TENT2: variants seen among roughly 807,000 people sequenced by gnomAD.
The protein encoded by TENT2 is terminal nucleotidyltransferase 2, also known as poly(A) RNA polymerase GLD2.
Under a neutral mutation model 72.2 loss-of-function variants are expected in TENT2, and 44 were observed. The observed-to-expected ratio is 0.61, with a 90% CI of 0.48 to 0.78. The LOEUF (loss-of-function observed/expected upper bound fraction) is 0.78. Ranked by LOEUF, TENT2 falls within the 30% of genes least tolerant of loss-of-function variation. The pLI is 0.00. For missense variants in TENT2, 541 were observed against 569.6 expected (o/e 0.95, Z 0.51); for synonymous variants, 212 against 192.5 (o/e 1.10, Z -0.84).
intron 4 of TENT2, among the ~76,000 whole-genome samples, chr5:79,624,137 A>C (rs1249606300): frequency 1.3e-5 from 2 of 152,224 alleles, no homozygotes; most frequent in Non-Finnish European, 2.9e-5. Flanking sequence ...AGGGGTTTAT[A>C]ATGTAAATAT....
chr5:79,619,502 A>C (rs1580170272), intron 1 of TENT2, 110 bp from the exon 2 acceptor site: 1 of 781,128 alleles, frequency 1.3e-6, no homozygotes. Context: ...TTTGCAAATA[A>C]AATTTGTAAC....
Position 79,687,990 on chromosome 5 carries a change from TAAGAG to T in TENT2, c.*2720_*2724del, listed in dbSNP as rs2151064008. On this transcript the variant is annotated 3_prime_UTR_variant, in exon 15 of 15. Transcript: ENST00000453514. Reference sequence around the variant, plus strand: ...ACTGATGGTGAAGTCTAGCTGGTGTTAAGAGAATAAATATTGCTGATGCTAAACCT... The same window carrying T: ...ACTGATGGTGAAGTCTAGCTGGTGTTAATAAATATTGCTGATGCTAAACCT... Among the ~76,000 whole-genome samples the T allele has an allele frequency of 7.2e-6, 1 of 138,852 alleles. No homozygotes were observed. The highest frequency in any genetic ancestry group is 1.5e-5 in the Non-Finnish European group (1 of 66,526). 91.1% of individuals were successfully genotyped at this position (138,852 alleles called of 152,430 possible). A position where few individuals can be genotyped will look rare whatever the true frequency, so the allele number is the denominator to read the frequency against.
chr5:79,666,689 C>A (rs911988127), intron 11 of TENT2, among the ~76,000 whole-genome samples: 24 of 152,006 alleles, frequency 1.6e-4, no homozygotes, highest in Non-Finnish European at 2.9e-4. Context: ...ACCTAAATTT[C>A]TTTCTGTTTG....
In TENT2 at chr5:79,681,150, A is replaced by ATTTTTTTTTT. The variant is rs1158559796; in HGVS notation, c.1301-813_1301-804dup. Among the ~76,000 whole-genome samples the ATTTTTTTTTT allele has an allele frequency of 4.5e-4, 20 of 44,756 alleles. 2 individuals carry two copies. Among genetic ancestry groups the ATTTTTTTTTT allele is most frequent in the East Asian group, 7.5e-4 (1 of 1,326 alleles). The allele number at this position is 44,756 out of a possible 152,430, so 29.4% of individuals were successfully genotyped here. A position where few individuals can be genotyped will look rare whatever the true frequency, so the allele number is the denominator to read the frequency against. On this transcript the variant is annotated intron_variant, in intron 13 of 14. Coordinates refer to ENST00000453514, the MANE Select transcript of TENT2 (RefSeq NM_001114394.3). ...AGTTACTTCTTTTTTCTTTTCTTTG[A>ATTTTTTTTTT]TTTTTTTTTTTTTTTTTTTTTTTTT...
At chr5:79,626,030 T>C (rs1031855023) in intron 4 of TENT2, among the ~76,000 whole-genome samples, 3 of 152,020 alleles carry the variant, frequency 2.0e-5, no homozygotes, top group East Asian at 1.9e-4. Context: ...GGTTTCACCA[T>C]GTTGGTCAGG....
rs1756171371 is a variant in TENT2, at chr5:79,612,745, GCTTAGC to G, written c.-366_-361del. On this transcript the variant is annotated 5_prime_UTR_variant, in exon 1 of 15. Coordinates refer to ENST00000453514, the MANE Select transcript of TENT2 (RefSeq NM_001114394.3). ...TGAACGGGCAGTGCGGGTAGGCCCT[GCTTAGC>G]CCTTCCCGGAGGACACCTGTGAGTT... is the stretch of plus-strand genomic sequence containing the variant. 1 of 152,600 alleles carries G rather than the reference GCTTAGC, an allele frequency of 6.6e-6. No individual in the cohort carries two copies. Among genetic ancestry groups the G allele is most frequent in the Non-Finnish European group, 1.5e-5 (1 of 68,168 alleles). 9.5% of individuals were successfully genotyped at this position (152,600 alleles called of 1,614,324 possible).
intron 1 of TENT2, among the ~76,000 whole-genome samples, chr5:79,614,275 G>C (rs1455628652): frequency 1.3e-5 from 2 of 151,678 alleles, no homozygotes; most frequent in Admixed American, 6.6e-5. Context: ...GCTAATTTTT[G>C]TATTTTTAGT....
At chr5:79,664,785 G>A (rs985854197) in intron 11 of TENT2, among the ~76,000 whole-genome samples, 2 of 152,024 alleles carry the variant, frequency 1.3e-5, no homozygotes, top group African/African-American at 2.4e-5. Flanking sequence ...ATGATATGTG[G>A]CATATACTAA....
intron 7 of TENT2, among the ~76,000 whole-genome samples, chr5:79,644,468 T>C (rs1451737132): frequency 2.0e-5 from 3 of 152,176 alleles, no homozygotes; most frequent in African/African-American, 7.2e-5. Context: ...ATATATTACT[T>C]TCAACTCTAA....
At chr5:79,628,552 A>G (rs1041657479) in intron 4 of TENT2, among the ~76,000 whole-genome samples, 1 of 152,174 alleles carries the variant, frequency 6.6e-6, no homozygotes, top group African/African-American at 2.4e-5. Context: ...TGTATAAGGA[A>G]AATTTAGAGA....
Position 79,651,175 on chromosome 5 carries a change from T to G in TENT2, c.1027+1985T>G, listed in dbSNP as rs992633896. ...GTTTTATTTTTTCTGGCTTTTGTTT[T>G]TTTTGCAAAGGTTTCAAGATGTTTA... On this transcript the variant is annotated intron_variant, in intron 10 of 14. Coordinates refer to ENST00000453514, the MANE Select transcript of TENT2 (RefSeq NM_001114394.3). 2.2e-4 allele frequency among the ~76,000 whole-genome samples: 33 copies of G among 152,184 alleles called. No homozygotes were observed. The East Asian group carries it at 6.4e-3, about 29-fold the overall frequency.
intron 4 of TENT2, among the ~76,000 whole-genome samples, chr5:79,630,895 G>C (rs1774902032): frequency 6.6e-6 from 1 of 150,954 alleles, no homozygotes; most frequent in South Asian, 2.1e-4. Context: ...GTAGATTGAA[G>C]TTGAGCAAGC....
At chr5:79,663,107 T>A (rs897388572) in intron 11 of TENT2, among the ~76,000 whole-genome samples, 1 of 152,220 alleles carries the variant, frequency 6.6e-6, no homozygotes, top group African/African-American at 2.4e-5. Context: ...CTCTGCTACC[T>A]TCCAACTTTT....
At chr5:79,613,560 G>A (rs1756931445) in intron 1 of TENT2, among the ~76,000 whole-genome samples, 1 of 152,110 alleles carries the variant, frequency 6.6e-6, no homozygotes, top group African/African-American at 2.4e-5. Context: ...ACAGCCATAA[G>A]GCTATTAATT....
intron 11 of TENT2, among the ~76,000 whole-genome samples, chr5:79,659,573 T>A (rs201368453): frequency 6.5e-5 from 8 of 124,000 alleles, no homozygotes; most frequent in Non-Finnish European, 1.2e-4. Flanking sequence ...TATATATATA[T>A]ATATATATAT....
intron 10 of TENT2, among the ~76,000 whole-genome samples, chr5:79,655,717 T>A (rs1236109517): frequency 2.0e-5 from 3 of 151,274 alleles, no homozygotes. Flanking sequence ...CCTTACTTTC[T>A]AAGAGTGATT....
intron 11 of TENT2, among the ~76,000 whole-genome samples, chr5:79,667,177 A>C (rs1808896947): frequency 6.6e-6 from 1 of 152,190 alleles, no homozygotes; most frequent in Non-Finnish European, 1.5e-5. Flanking sequence ...AAGTACAATC[A>C]TTTTTAGACT....
intron 13 of TENT2, 24 bp downstream of exon 13, chr5:79,679,694 G>A (rs369939461): frequency 2.5e-5 from 34 of 1,356,106 alleles, no homozygotes; most frequent in Middle Eastern, 3.8e-4. Context: ...TACCATCTAC[G>A]TATCATCATG....
At position 79,612,971 on chromosome 5, in the gene TENT2, G is replaced by A. The variant is rs912177469; in HGVS notation, c.-142G>A. On this transcript the variant is annotated 5_prime_UTR_variant, in exon 1 of 15. Coordinates refer to ENST00000453514, the MANE Select transcript of TENT2 (RefSeq NM_001114394.3). Reference sequence around the variant, plus strand: ...TTAGGACCGCTTACTTTGCTTACTCGTTTTCTATTCCTCGCGTACTGCCTC... The same window carrying A: ...TTAGGACCGCTTACTTTGCTTACTCATTTTCTATTCCTCGCGTACTGCCTC... 8 of 152,210 alleles carry A rather than the reference G, an allele frequency of 5.3e-5. No homozygotes were observed. Among genetic ancestry groups the A allele is most frequent in the African/African-American group, 1.9e-4 (8 of 41,430 alleles). 9.4% of individuals were successfully genotyped at this position (152,210 alleles called of 1,614,324 possible).
Sources: allele counts gnomAD v4.1 joint callset (sites outside exome capture counted in the v4.1 genomes callset), GRCh38; gene constraint gnomAD v4.1.1; transcripts MANE v1.5; gene names NCBI Gene and HGNC (gene_info 2026-07-23, HGNC 2026-07-21).